Variants in DAB2 observed in about 807,000 individuals in gnomAD.
DAB2 encodes disabled homolog 2.
Under a neutral mutation model 71.6 loss-of-function variants are expected in DAB2, and 28 were observed. That is an observed-to-expected ratio of 0.39 (90% CI 0.29 to 0.54). The LOEUF is 0.54. Ranked by LOEUF, DAB2 falls within the 20% of genes least tolerant of loss-of-function variation. The pLI is 0.68. For synonymous variants in DAB2, 345 were observed against 339.7 expected, an observed-to-expected ratio of 1.02 and a Z score of -0.17; for missense variants, 867 against 928.8, an observed-to-expected ratio of 0.93 and a Z score of 0.86.
intron 1 of DAB2, among the ~76,000 whole-genome samples, chr5:39,404,471 A>G (rs75629921): frequency 6.7e-6 from 1 of 150,284 alleles, no homozygotes; most frequent in African/African-American, 2.4e-5. Flanking sequence ...AAAAAAAAAA[A>G]AAAAAGAAAG....
chr5:39,390,350 C>T, intron 5 of DAB2, 94 bp downstream of exon 5: 1 of 1,426,988 alleles, frequency 7.0e-7, no homozygotes. Flanking sequence ...CTCTTACATC[C>T]AATTATTTCC....
intron 3 of DAB2, 97 bp downstream of exon 3, chr5:39,393,157 C>G: frequency 7.8e-7 from 1 of 1,279,498 alleles, no homozygotes; most frequent in Non-Finnish European, 1.1e-6. Context: ...AAGCAGTTTT[C>G]AAGTAATTGA....
chr5:39,376,325 C>T (rs927303764), intron 12 of DAB2, among the ~76,000 whole-genome samples: 2 of 152,126 alleles, frequency 1.3e-5, no homozygotes, highest in Admixed American at 6.5e-5. Context: ...TCAGAATCCC[C>T]TCATTTTAAG....
At chr5:39,398,148 C>A (rs1300962985) in intron 1 of DAB2, among the ~76,000 whole-genome samples, 1 of 152,172 alleles carries the variant, frequency 6.6e-6, no homozygotes, top group African/African-American at 2.4e-5. Context: ...TTAAATTTGG[C>A]AATTTGTATT....
At chr5:39,414,713 A>AG (rs1755809146) in intron 1 of DAB2, among the ~76,000 whole-genome samples, 1 of 136,880 alleles carries the variant, frequency 7.3e-6, no homozygotes, top group African/African-American at 2.8e-5. Context: ...AAGTTAAAAA[A>AG]AGGGGGGGGG....
intron 9 of DAB2, among the ~76,000 whole-genome samples, chr5:39,384,138 C>CTATT (rs1755043047): frequency 6.6e-6 from 1 of 152,188 alleles, no homozygotes; most frequent in South Asian, 2.1e-4. Context: ...GTAATCTCAT[C>CTATT]TATTTAGTGG....
At chr5:39,398,574 G>C (rs1755426807) in intron 1 of DAB2, among the ~76,000 whole-genome samples, 2 of 152,134 alleles carry the variant, frequency 1.3e-5, no homozygotes, top group African/African-American at 2.4e-5. Flanking sequence ...CAATAGCCAA[G>C]GGTAAGTCTC....
chr5:39,395,763 C>G (rs1301904605), intron 1 of DAB2, among the ~76,000 whole-genome samples: 1 of 152,028 alleles, frequency 6.6e-6, no homozygotes, highest in East Asian at 1.9e-4. Context: ...AGTCTGTTTA[C>G]AGATGAAAGT....
chr5:39,379,542 C>A (rs183308059), intron 11 of DAB2, among the ~76,000 whole-genome samples: 1 of 151,864 alleles, frequency 6.6e-6, no homozygotes. Context: ...TTCCTACCCA[C>A]CAAATCCCCA....
intron 6 of DAB2, 66 bp from the exon 7 acceptor site, chr5:39,389,189 CAA>C: frequency 7.9e-7 from 1 of 1,273,696 alleles, no homozygotes; most frequent in Non-Finnish European, 1.1e-6. Flanking sequence ...AATACACAAA[CAA>C]GTATGCCTAT....
Position 39,375,047 on chromosome 5 carries a change from C to T in DAB2, c.2285G>A (p.Arg762Lys), listed in dbSNP as rs770634419. ...SSQPVSSEMY[R>K]DPFGNPFA ...GGCAAAAGGATTTCCAAATGGATCC[C>T]TATACATCTCAGAAGATACAGGTTG... is the stretch of plus-strand genomic sequence containing the variant. Residue 762 changes from arginine (R) to lysine (K), a missense_variant, in exon 14 of 15, where the codon AGG (arginine) becomes AAG (lysine). Arg to Lys is a conservative substitution (Grantham distance 26). Around this residue, in one of 2 missense-constraint regions of DAB2, gnomAD observed 740 missense variants for 734.3 expected, o/e 1.01. Transcript: ENST00000320816. 3.1e-6 allele frequency: 5 copies of T among 1,611,676 alleles called. No individual in the cohort carries two copies. Among genetic ancestry groups the T allele is most frequent in the Admixed American group, 1.7e-5 (1 of 59,822 alleles).
rs1242423159 is a variant in DAB2 at position 39,389,017 on chromosome 5, G to A, written c.570+80C>T. 9.2e-6 allele frequency: 13 copies of A among 1,406,728 alleles called. No homozygotes were observed. In the East Asian group the frequency reaches 2.1e-4, roughly 22 times the overall value. 87.1% of individuals were successfully genotyped at this position (1,406,728 alleles called of 1,614,324 possible). On this transcript the variant is annotated intron_variant, in intron 7 of 14. Coordinates refer to ENST00000320816, the MANE Select transcript of DAB2 (RefSeq NM_001343.4). ...AACACATAGTAATAAGCGAGGTGGC[G>A]AGAGTGGTTGGGCAGGTAGAAAACA...
chr5:39,419,497 C>A (rs1461719736), intron 1 of DAB2, among the ~76,000 whole-genome samples: 2 of 152,082 alleles, frequency 1.3e-5, no homozygotes, highest in East Asian at 3.8e-4. Flanking sequence ...AAGTGAAAGT[C>A]GAATGGGAGA....
chr5:39,383,809 G>A (rs1177179533), intron 9 of DAB2, among the ~76,000 whole-genome samples: 1 of 152,170 alleles, frequency 6.6e-6, no homozygotes, highest in Admixed American at 6.5e-5. Context: ...ATATTTTATA[G>A]TTCTGGCTGT....
chr5:39,380,333 T>G (rs760397), intron 11 of DAB2, among the ~76,000 whole-genome samples: 3,833 of 152,238 alleles, frequency 0.025, 79 homozygotes, highest in Admixed American at 0.062. Flanking sequence ...ACAGATTTCT[T>G]GTAAAAGAAC....
chr5:39,408,405 A>G (rs896865121), intron 1 of DAB2: 2 of 152,172 alleles, frequency 1.3e-5, no homozygotes, highest in African/African-American at 2.4e-5. Flanking sequence ...TTAACCTTCC[A>G]TGAGAGACTT....
chr5:39,388,784 CATATTAATACATACCG>C lies in DAB2; in HGVS notation c.623_624+14del. The stretch of plus-strand genomic sequence containing the variant: ...GATAAGTAAGAACTGTCAAACGTCA[CATATTAATACATACCG>C]ATTTCAGTTTGTTAGTTTGGTCATC... On this transcript the variant is annotated splice_donor_variant and splice_donor_5th_base_variant and coding_sequence_variant and intron_variant, in exon 8 of 15. Coordinates refer to ENST00000320816, the MANE Select transcript of DAB2 (RefSeq NM_001343.4). LOFTEE classifies it high-confidence loss of function. The C allele has an allele frequency of 6.2e-7, 1 of 1,606,790 alleles. No individual in the cohort carries two copies. The highest frequency in any genetic ancestry group is 8.5e-7 in the Non-Finnish European group (1 of 1,174,010).
intron 1 of DAB2, among the ~76,000 whole-genome samples, chr5:39,406,609 T>C (rs1388885478): frequency 6.6e-6 from 1 of 152,178 alleles, no homozygotes. Context: ...AATCAGAACA[T>C]ATACCAAGAA....
chr5:39,386,853 A>G (rs1176421941), intron 9 of DAB2, among the ~76,000 whole-genome samples: 7 of 152,178 alleles, frequency 4.6e-5, no homozygotes, highest in African/African-American at 1.7e-4. Flanking sequence ...AACATCACTA[A>G]TGGAGGAGAG....
Sources: gnomAD v4.1 joint callset for allele counts (sites outside exome capture counted in the v4.1 genomes callset) on GRCh38, gnomAD v4.1.1 for gene constraint, gnomAD v4.1.1 regional missense constraint, MANE v1.5 for transcripts, NCBI Gene and HGNC (gene_info 2026-07-23, HGNC 2026-07-21) for gene names.